The following FILIP1L variants were observed in gnomAD, a reference collection of about 807,000 sequenced individuals.
FILIP1L encodes filamin A-interacting protein 1-like.
In FILIP1L, 55 loss-of-function variants were observed where a neutral mutation model predicts 96.6. The observed-to-expected ratio is 0.57, with a 90% confidence interval of 0.46 to 0.71. FILIP1L has a LOEUF of 0.71. Ranked by LOEUF, FILIP1L falls within the 30% of genes least tolerant of loss-of-function variation. The pLI, the probability that FILIP1L is intolerant of heterozygous loss-of-function variation, is 0.00. For synonymous variants in FILIP1L, 467 were observed against 473.9 expected (o/e 0.99, Z 0.19); for missense variants, 1,304 against 1,321.2 (o/e 0.99, Z 0.20).
At chr3:100,111,416 GTT>G (rs2066489172) in intron 1 of FILIP1L, among the ~76,000 whole-genome samples, 1 of 152,140 alleles carries the variant, frequency 6.6e-6, no homozygotes, top group Non-Finnish European at 1.5e-5. Flanking sequence ...CTAAAACTTA[GTT>G]TATCTATCTG....
At position 99,996,331 on chromosome 3, in the gene FILIP1L, A is replaced by T. The variant is rs984958499; in HGVS notation, c.-10-65301T>A. On this transcript the variant is annotated intron_variant, in intron 1 of 5. Transcript: ENST00000477258. ...AACAAGTTCCTCATTTCCATCTGAGACCACCTCAGCCTGGACCTTATTGTC... is the reference window on the plus strand; with the variant it reads ...AACAAGTTCCTCATTTCCATCTGAGTCCACCTCAGCCTGGACCTTATTGTC... 2.0e-5 allele frequency among the ~76,000 whole-genome samples: 3 copies of T among 152,258 alleles called. No individual in the cohort carries two copies. The South Asian group carries it at 6.2e-4, about 32-fold the overall frequency.
At chr3:99,982,718 A>G (rs1231880437) in intron 1 of FILIP1L, among the ~76,000 whole-genome samples, 1 of 152,158 alleles carries the variant, frequency 6.6e-6, no homozygotes, top group Admixed American at 6.5e-5. Flanking sequence ...ACCACCATTC[A>G]TTTGCATGAT....
At chr3:99,930,593 G>A (rs906582509) in intron 2 of FILIP1L, among the ~76,000 whole-genome samples, 176 bp downstream of exon 2, 1 of 152,072 alleles carries the variant, frequency 6.6e-6, no homozygotes, top group Non-Finnish European at 1.5e-5. Context: ...CCTTTAGATG[G>A]GATTAATTGC....
At chr3:99,912,034 A>G (rs1706805918) in intron 4 of FILIP1L, among the ~76,000 whole-genome samples, 1 of 152,196 alleles carries the variant, frequency 6.6e-6, no homozygotes, top group South Asian at 2.1e-4. Context: ...TAGAGTGTTA[A>G]GAACACAGTG....
At chr3:100,081,536 C>T (rs796327249) in intron 1 of FILIP1L, among the ~76,000 whole-genome samples, 17 of 152,126 alleles carry the variant, frequency 1.1e-4, no homozygotes, top group Non-Finnish European at 4.4e-5. Context: ...CAGGGATTAA[C>T]GACTCATGAA....
At chr3:99,957,693 C>CTTTTTTTTTTTTTTTTTTTTTTTTT (rs779350496) in intron 1 of FILIP1L, among the ~76,000 whole-genome samples, 346 of 19,884 alleles carry the variant, frequency 0.017, 113 homozygotes, top group Non-Finnish European at 0.022. Context: ...TTCTTTCTTT[C>CTTTTTTTTTTTTTTTTTTTTTTTTT]TTTTTTTTTT....
At chr3:100,058,596 C>T (rs565564103) in intron 1 of FILIP1L, among the ~76,000 whole-genome samples, 1 of 152,306 alleles carries the variant, frequency 6.6e-6, no homozygotes, top group Admixed American at 6.5e-5. Context: ...CCTTGGTGGA[C>T]AAAGAGAAAA....
At chr3:99,995,330 C>G (rs948204207) in intron 1 of FILIP1L, among the ~76,000 whole-genome samples, 4 of 152,202 alleles carry the variant, frequency 2.6e-5, no homozygotes, top group Non-Finnish European at 2.9e-5. Context: ...GTCTCACATC[C>G]AGGTCACACT....
chr3:99,856,942 C>A (rs771112295), intron 4 of FILIP1L, among the ~76,000 whole-genome samples: 1 of 152,078 alleles, frequency 6.6e-6, no homozygotes, highest in East Asian at 1.9e-4. Context: ...TAATTCTTAC[C>A]GCTTTTGATT....
intron 1 of FILIP1L, among the ~76,000 whole-genome samples, chr3:100,083,609 A>G (rs1482520494): frequency 6.6e-6 from 1 of 152,226 alleles, no homozygotes; most frequent in African/African-American, 2.4e-5. Context: ...TGCTTAGTGC[A>G]TGCTTCTTTA....
chr3:100,103,246 G>A (rs985024038), intron 1 of FILIP1L, among the ~76,000 whole-genome samples: 16 of 152,214 alleles, frequency 1.1e-4, no homozygotes, highest in African/African-American at 3.9e-4. Flanking sequence ...GGAGAAGGCA[G>A]CAGCTCACAG....
chr3:99,873,571 A>G (rs926922693), intron 4 of FILIP1L, among the ~76,000 whole-genome samples: 1 of 152,238 alleles, frequency 6.6e-6, no homozygotes, highest in Non-Finnish European at 1.5e-5. Flanking sequence ...TGGACAGAAC[A>G]TGACCTAAGC....
At chr3:99,948,678 G>A (rs1448559802) in intron 1 of FILIP1L, among the ~76,000 whole-genome samples, 1 of 148,934 alleles carries the variant, frequency 6.7e-6, no homozygotes, top group Non-Finnish European at 1.5e-5. Context: ...GAAAGAGGAA[G>A]AAGAAGAGGA....
Position 99,922,171 on chromosome 3 carries a change from T to C in FILIP1L, c.605+2059A>G, listed in dbSNP as rs143843987. Among the ~76,000 whole-genome samples, 578 of 152,340 alleles carry C rather than the reference T, an allele frequency of 3.8e-3. 3 individuals carry two copies. Among genetic ancestry groups the C allele is most frequent in the African/African-American group, 0.013 (550 of 41,572 alleles). ...ACACTCTGACCGTGATCAGTAAATG[T>C]TCATAATAATGAAAGATGAAAGAAA... On this transcript the variant is annotated intron_variant, in intron 4 of 5. Coordinates refer to ENST00000477258, the MANE Select transcript of FILIP1L (RefSeq NM_001387850.1).
chr3:100,099,528 T>C (rs1246643916), intron 1 of FILIP1L, among the ~76,000 whole-genome samples: 3 of 152,126 alleles, frequency 2.0e-5, no homozygotes, highest in Non-Finnish European at 4.4e-5. Flanking sequence ...TTTGTATCGG[T>C]CTAATTATGT....
chr3:100,109,412 A>G (rs2066450671), intron 1 of FILIP1L, among the ~76,000 whole-genome samples: 2 of 152,144 alleles, frequency 1.3e-5, no homozygotes, highest in Non-Finnish European at 2.9e-5. Context: ...TCATGTAACC[A>G]CCATTATAGT....
chr3:100,060,433 G>T (rs2065543176), intron 1 of FILIP1L, among the ~76,000 whole-genome samples: 1 of 151,944 alleles, frequency 6.6e-6, no homozygotes, highest in Non-Finnish European at 1.5e-5. Context: ...TTTAAAGTAT[G>T]CCAATGCCCT....
intron 1 of FILIP1L, among the ~76,000 whole-genome samples, chr3:100,044,557 T>C (rs2065251088): frequency 6.6e-6 from 1 of 152,070 alleles, no homozygotes; most frequent in Non-Finnish European, 1.5e-5. Context: ...AAAGTCAAGC[T>C]AGACTAGAGC....
In FILIP1L at chr3:100,016,778, A is replaced by G. The variant is rs199819992; in HGVS notation, c.-10-85748T>C. ...TTTAGATATGTGCAAAGTTGCTATAAACTTATAAAGCAGACATTTCCTTTA... is the reference window on the plus strand; with the variant it reads ...TTTAGATATGTGCAAAGTTGCTATAGACTTATAAAGCAGACATTTCCTTTA... On this transcript the variant is annotated intron_variant, in intron 1 of 5. Transcript: ENST00000477258. 3.3e-5 allele frequency among the ~76,000 whole-genome samples: 5 copies of G among 152,184 alleles called. No homozygotes were observed. In the East Asian group the frequency reaches 7.7e-4, roughly 23 times the overall value.
Sources: gnomAD v4.1 joint callset for allele counts (sites outside exome capture counted in the v4.1 genomes callset) on GRCh38, gnomAD v4.1.1 for gene constraint, MANE v1.5 for transcripts, NCBI Gene and HGNC (gene_info 2026-07-23, HGNC 2026-07-21) for gene names.